The following AOPEP variants were observed in gnomAD, a reference collection of about 807,000 sequenced individuals.
The protein encoded by AOPEP is aminopeptidase O (putative).
In AOPEP, 77 loss-of-function variants were observed where a neutral mutation model predicts 98.1. The ratio of observed to expected loss-of-function variants is 0.78; its 90% confidence interval spans 0.65 to 0.95. The LOEUF (loss-of-function observed/expected upper bound fraction) is 0.95. Ranked by LOEUF, AOPEP falls within the 40% of genes least tolerant of loss-of-function variation. AOPEP has a pLI of 0.00. For missense variants in AOPEP, 1,024 were observed against 1,024.7 expected, an observed-to-expected ratio of 1.00 and a Z score of 0.01; for synonymous variants, 346 against 365.3, an observed-to-expected ratio of 0.95 and a Z score of 0.60.
chr9:94,810,950 A>G (rs1256170960), intron 5 of AOPEP, among the ~76,000 whole-genome samples: 2 of 152,132 alleles, frequency 1.3e-5, no homozygotes, highest in Non-Finnish European at 2.9e-5. Context: ...GGGTTCCATC[A>G]CTGAAGGCCT....
intron 5 of AOPEP, among the ~76,000 whole-genome samples, chr9:94,883,067 A>G (rs2047779042): frequency 6.6e-6 from 1 of 152,188 alleles, no homozygotes; most frequent in East Asian, 1.9e-4. Flanking sequence ...CAACTCAGGG[A>G]GCTGAGAACA....
chr9:94,776,127 CT>C (rs1419826707), intron 3 of AOPEP, among the ~76,000 whole-genome samples: 1 of 152,066 alleles, frequency 6.6e-6, no homozygotes, highest in Non-Finnish European at 1.5e-5. Flanking sequence ...TCCAGTAACA[CT>C]TCCCCAGGCA....
chr9:94,796,087 AC>A (rs1203195301), intron 4 of AOPEP, among the ~76,000 whole-genome samples: 1 of 152,110 alleles, frequency 6.6e-6, no homozygotes, highest in Non-Finnish European at 1.5e-5. Context: ...CCCAAAGTGC[AC>A]CCTCTGTGTG....
chr9:94,978,475 G>A (rs932459938), intron 10 of AOPEP, among the ~76,000 whole-genome samples: 1 of 152,184 alleles, frequency 6.6e-6, no homozygotes, highest in African/African-American at 2.4e-5. Context: ...ACTAAGTCTA[G>A]TAGTCGAACA....
chr9:94,967,035 G>A lies in AOPEP; in HGVS notation c.1873-723G>A, dbSNP rs548361041. ...ATATAACACAGGAAGAGGGAAAGTG[G>A]ATAGGGCGGGATGGGCTGTGCATTG... On this transcript the variant is annotated intron_variant, in intron 9 of 16. Transcript: ENST00000375315. Among the ~76,000 whole-genome samples, 19 of 152,294 alleles carry A rather than the reference G, an allele frequency of 1.2e-4. 1 individual carries two copies. The South Asian group carries it at 3.7e-3, about 30-fold the overall frequency.
chr9:95,138,982 G>C, the AOPEP span, among the ~76,000 whole-genome samples: 1 of 152,172 alleles, frequency 6.6e-6, no homozygotes, highest in Non-Finnish European at 1.5e-5. Flanking sequence ...TTAATATTTG[G>C]ATAGATTTTG....
chr9:94,915,188 G>A (rs985745541), intron 5 of AOPEP, among the ~76,000 whole-genome samples: 7 of 152,102 alleles, frequency 4.6e-5, no homozygotes, highest in Non-Finnish European at 8.8e-5. Context: ...CTTCCTCATG[G>A]GGTGGTTGCT....
At chr9:95,094,941 C>T in the AOPEP span, among the ~76,000 whole-genome samples, 142 of 152,298 alleles carry the variant, frequency 9.3e-4, 2 homozygotes, top group African/African-American at 3.4e-3. Context: ...AGGATCTCTG[C>T]CTTCTAAGGC....
chr9:94,734,601 A>T (rs951412478), intron 1 of AOPEP, among the ~76,000 whole-genome samples: 63 of 152,370 alleles, frequency 4.1e-4, no homozygotes, highest in African/African-American at 1.5e-3. Flanking sequence ...GATTTTAAAT[A>T]GTACTGGTTG....
Position 95,087,035 on chromosome 9 carries a change from G to A in AOPEP, c.*358G>A, listed in dbSNP as rs1350794179. ...GTCTGCTCAGCACATGGCTGGATGCGGATATTTCTATAATTCCAGAAAGTC... is the reference window on the plus strand; with the variant it reads ...GTCTGCTCAGCACATGGCTGGATGCAGATATTTCTATAATTCCAGAAAGTC... On this transcript the variant is annotated 3_prime_UTR_variant, in exon 17 of 17. Coordinates refer to ENST00000375315, the MANE Select transcript of AOPEP (RefSeq NM_001193329.3). 10 of 765,710 alleles carry A rather than the reference G, an allele frequency of 1.3e-5. No homozygotes were observed. In the South Asian group the frequency reaches 2.4e-4, roughly 18 times the overall value. The allele number at this position is 765,710 out of a possible 1,614,324, so 47.4% of individuals were successfully genotyped here.
intron 3 of AOPEP, among the ~76,000 whole-genome samples, chr9:94,779,063 G>A (rs1057078019): frequency 4.6e-5 from 7 of 151,964 alleles, no homozygotes; most frequent in Admixed American, 1.3e-4. Context: ...GTATATGTGC[G>A]GTGGTTAATT....
intron 10 of AOPEP, among the ~76,000 whole-genome samples, chr9:94,970,583 G>T (rs1299641627): frequency 6.6e-6 from 1 of 151,534 alleles, no homozygotes; most frequent in East Asian, 2.0e-4. Context: ...AATTGGCCAA[G>T]ATTTCCAAGG....
Position 94,792,138 on chromosome 9 carries a change from A to G in AOPEP, c.965-627A>G, listed in dbSNP as rs79917052. Among the ~76,000 whole-genome samples the G allele has an allele frequency of 7.3e-4, 111 of 152,348 alleles. No homozygotes were observed. The East Asian group carries it at 7.9e-3, about 11-fold the overall frequency. On this transcript the variant is annotated intron_variant, in intron 3 of 16. Transcript: ENST00000375315. ...GAGTCCTTGGCTCCGTTAAACCTCTACACGTGCTTTTCATCTGCTCAGCAA... is the reference window on the plus strand; with the variant it reads ...GAGTCCTTGGCTCCGTTAAACCTCTGCACGTGCTTTTCATCTGCTCAGCAA...
chr9:94,756,033 G>A (rs1415061805), intron 1 of AOPEP, among the ~76,000 whole-genome samples: 2 of 152,126 alleles, frequency 1.3e-5, no homozygotes, highest in Non-Finnish European at 2.9e-5. Context: ...GCCGAGGCAG[G>A]CAGATCACGA....
intron 5 of AOPEP, among the ~76,000 whole-genome samples, chr9:94,816,816 G>T (rs1344545391): frequency 1.3e-5 from 2 of 152,090 alleles, no homozygotes. Flanking sequence ...TTCCCATTTC[G>T]TTCTCCTAAA....
At chr9:94,738,734 T>C (rs1356591748) in intron 1 of AOPEP, among the ~76,000 whole-genome samples, 9 of 151,742 alleles carry the variant, frequency 5.9e-5, no homozygotes, top group Admixed American at 4.6e-4. Flanking sequence ...CCACCACGCT[T>C]GGCTAATTTT....
intron 1 of AOPEP, among the ~76,000 whole-genome samples, chr9:94,758,540 G>T (rs1438947460): frequency 2.6e-5 from 4 of 152,150 alleles, no homozygotes; most frequent in Non-Finnish European, 4.4e-5. Context: ...GAGGAGTTAG[G>T]ATACAAAGGG....
intron 5 of AOPEP, among the ~76,000 whole-genome samples, chr9:94,879,760 T>G (rs1371207846): frequency 1.3e-5 from 2 of 152,230 alleles, no homozygotes; most frequent in African/African-American, 4.8e-5. Flanking sequence ...TCTGAAGTTT[T>G]TATTGTTTTC....
the AOPEP span, chr9:95,101,789 C>T: frequency 2.7e-5 from 43 of 1,614,156 alleles, no homozygotes; most frequent in East Asian, 6.0e-4. Context: ...ACGATTCCAT[C>T]TGTACAAGGT....
Sources: allele counts gnomAD v4.1 joint callset (sites outside exome capture counted in the v4.1 genomes callset), GRCh38; gene constraint gnomAD v4.1.1; transcripts MANE v1.5; gene names NCBI Gene and HGNC (gene_info 2026-07-23, HGNC 2026-07-21).